STARD13: variants seen among roughly 807,000 people sequenced by gnomAD.
STARD13 encodes the protein StAR related lipid transfer domain containing 13.
STARD13 carries 62 observed loss-of-function variants against 106.4 expected under a neutral mutation model. That is an observed-to-expected ratio of 0.58 (90% CI 0.48 to 0.72). The LOEUF (loss-of-function observed/expected upper bound fraction) is 0.72, where lower values mean the gene tolerates loss of function less well. STARD13 is among the 30% of genes least tolerant of loss of function. STARD13 has a pLI of 0.00. For missense variants in STARD13, 1,387 were observed against 1,424.0 expected, an observed-to-expected ratio of 0.97 and a Z score of 0.42; for synonymous variants, 565 against 553.0, an observed-to-expected ratio of 1.02 and a Z score of -0.31.
At chr13:33,419,662 C>T in the STARD13 span, among the ~76,000 whole-genome samples, 2 of 152,186 alleles carry the variant, frequency 1.3e-5, no homozygotes, top group Admixed American at 1.3e-4. Context: ...TTGTCAGATT[C>T]ACCAAGGTTG....
the STARD13 span, among the ~76,000 whole-genome samples, chr13:33,541,517 C>T: frequency 6.6e-6 from 1 of 152,346 alleles, no homozygotes; most frequent in East Asian, 1.9e-4. Flanking sequence ...CCAGTACCAA[C>T]TACCCAGACT....
chr13:33,606,973 T>A, the STARD13 span, among the ~76,000 whole-genome samples: 2 of 152,204 alleles, frequency 1.3e-5, no homozygotes, highest in Non-Finnish European at 2.9e-5. Context: ...TCCGGGTTAA[T>A]CTCTTTGTTT....
chr13:33,121,669 CTTTTTT>C (rs398022242), intron 7 of STARD13, among the ~76,000 whole-genome samples: 1 of 110,478 alleles, frequency 9.1e-6, no homozygotes, highest in Non-Finnish European at 1.7e-5. Context: ...GTTGTTCATC[CTTTTTT>C]TTTTTTTTTT....
At chr13:33,651,781 C>T in the STARD13 span, among the ~76,000 whole-genome samples, 1 of 152,166 alleles carries the variant, frequency 6.6e-6, no homozygotes, top group Non-Finnish European at 1.5e-5. Flanking sequence ...ACCTTTCACC[C>T]CTTCTCTAGG....
chr13:33,589,820 T>A, the STARD13 span, among the ~76,000 whole-genome samples: 1 of 152,196 alleles, frequency 6.6e-6, no homozygotes, highest in Non-Finnish European at 1.5e-5. Flanking sequence ...TAGGTCTGCT[T>A]GGTGCAGAGC....
the STARD13 span, among the ~76,000 whole-genome samples, chr13:33,538,648 T>C: frequency 1.3e-5 from 2 of 151,112 alleles, no homozygotes; most frequent in Non-Finnish European, 3.0e-5. Context: ...TTTTTTTTTT[T>C]CATAAACAAA....
chr13:33,363,560 C>T, the STARD13 span, among the ~76,000 whole-genome samples: 1 of 152,214 alleles, frequency 6.6e-6, no homozygotes, highest in African/African-American at 2.4e-5. Flanking sequence ...TCCTCTTACC[C>T]TCAACACCAA....
chr13:33,560,844 C>A, the STARD13 span, among the ~76,000 whole-genome samples: 1 of 151,510 alleles, frequency 6.6e-6, no homozygotes, highest in South Asian at 2.1e-4. Flanking sequence ...TCAAATAATG[C>A]CTCACATAAT....
At chr13:33,191,021 C>A (rs1886222021) in intron 1 of STARD13, among the ~76,000 whole-genome samples, 1 of 152,182 alleles carries the variant, frequency 6.6e-6, no homozygotes, top group South Asian at 2.1e-4. Context: ...TTATTATACT[C>A]ATTTCCAAAA....
the STARD13 span, among the ~76,000 whole-genome samples, chr13:33,609,943 A>T: frequency 1.3e-5 from 2 of 152,196 alleles, no homozygotes; most frequent in Non-Finnish European, 2.9e-5. Context: ...CAAACATGCT[A>T]ATTGTATTCT....
chr13:33,639,184 T>A, the STARD13 span, among the ~76,000 whole-genome samples: 1 of 152,084 alleles, frequency 6.6e-6, no homozygotes, highest in South Asian at 2.1e-4. Flanking sequence ...GGTGAGATGA[T>A]GAAGAGTTGG....
intron 1 of STARD13, among the ~76,000 whole-genome samples, chr13:33,208,285 G>T (rs1025831143): frequency 7.9e-5 from 12 of 152,084 alleles, no homozygotes; most frequent in Non-Finnish European, 1.6e-4. Context: ...AAACATGGCG[G>T]GGTTGTAGCA....
the STARD13 span, among the ~76,000 whole-genome samples, chr13:33,363,083 G>A: frequency 2.7e-4 from 41 of 152,314 alleles, no homozygotes; most frequent in Admixed American, 1.8e-3. Context: ...CACACGCTGG[G>A]CCAAGTCACT....
chr13:33,439,845 A>C, the STARD13 span: 1 of 403,308 alleles, frequency 2.5e-6, no homozygotes, highest in Non-Finnish European at 4.4e-6. Flanking sequence ...AGAAATGAAA[A>C]TAAAATGCCA....
At chr13:33,148,662 G>A (rs1337907519) in intron 3 of STARD13, among the ~76,000 whole-genome samples, 1 of 152,188 alleles carries the variant, frequency 6.6e-6, no homozygotes, top group Non-Finnish European at 1.5e-5. Flanking sequence ...AAGACAGTGG[G>A]CAGCTTCTTA....
chr13:33,358,474 T>C, the STARD13 span, among the ~76,000 whole-genome samples: 4 of 152,200 alleles, frequency 2.6e-5, no homozygotes, highest in African/African-American at 9.6e-5. Flanking sequence ...AGAGTCTTTA[T>C]ATCTAGCTCA....
At chr13:33,232,528 A>G (rs1030297435) in intron 1 of STARD13, among the ~76,000 whole-genome samples, 1 of 152,152 alleles carries the variant, frequency 6.6e-6, no homozygotes, top group Non-Finnish European at 1.5e-5. Flanking sequence ...TAAATCTTAT[A>G]TATCCCAGGA....
the STARD13 span, among the ~76,000 whole-genome samples, chr13:33,673,197 G>T: frequency 2.6e-5 from 4 of 152,310 alleles, no homozygotes; most frequent in Non-Finnish European, 2.9e-5. Flanking sequence ...AGAATATCAC[G>T]TGTTTAATAT....
the STARD13 span, among the ~76,000 whole-genome samples, chr13:33,442,911 A>G: frequency 1.3e-5 from 2 of 152,222 alleles, no homozygotes; most frequent in African/African-American, 4.8e-5. Context: ...TTAACATAAT[A>G]ATCTTCACTT....
Sources: allele counts gnomAD v4.1 joint callset (sites outside exome capture counted in the v4.1 genomes callset), GRCh38; gene constraint gnomAD v4.1.1; transcripts MANE v1.5; gene names NCBI Gene and HGNC (gene_info 2026-07-23, HGNC 2026-07-21).